IQCH: variants seen among roughly 807,000 people sequenced by gnomAD.
The protein encoded by IQCH is IQ domain-containing protein H.
In IQCH, 98 loss-of-function variants were observed where a neutral mutation model predicts 117.0. That is an observed-to-expected ratio of 0.84 (90% CI 0.71 to 0.99). The LOEUF is 0.99. Among genes scored for constraint, IQCH ranks in the 50% least tolerant of loss-of-function variants. The pLI, the probability that IQCH is intolerant of heterozygous loss-of-function variation, is 0.00. For missense variants in IQCH, 1,102 were observed against 1,243.8 expected, an observed-to-expected ratio of 0.89 and a Z score of 1.72; for synonymous variants, 412 against 448.2, an observed-to-expected ratio of 0.92 and a Z score of 1.02.
chr15:67,266,722 G>C (rs912281376), intron 3 of IQCH, among the ~76,000 whole-genome samples: 1 of 152,142 alleles, frequency 6.6e-6, no homozygotes, highest in Admixed American at 6.5e-5. Context: ...TTGATGATAG[G>C]TATAAGTCCA....
At chr15:67,346,759 C>G (rs1844563916) in intron 6 of IQCH, among the ~76,000 whole-genome samples, 1 of 152,134 alleles carries the variant, frequency 6.6e-6, no homozygotes, top group African/African-American at 2.4e-5. Flanking sequence ...GCATTTACTT[C>G]AAATGCACAT....
At chr15:67,400,086 A>T in intron 13 of IQCH, 28 bp from the exon 14 acceptor site, 1 of 1,595,958 alleles carries the variant, frequency 6.3e-7, no homozygotes, top group Non-Finnish European at 8.6e-7. Context: ...GAACTGTATT[A>T]AATGCAGCTG....
rs998114182 is a variant in IQCH, at chr15:67,369,375, G to A, written c.754-2736G>A. 1.3e-5 allele frequency among the ~76,000 whole-genome samples: 2 copies of A among 151,936 alleles called. No individual in the cohort carries two copies. The highest frequency in any genetic ancestry group is 4.8e-5 in the African/African-American group (2 of 41,340). Reference sequence around the variant, plus strand: ...AAGAAGCACCAGGTGAGAATACAATGTTTTGACAGAAATCCTTCTTGGCTA... The same window carrying A: ...AAGAAGCACCAGGTGAGAATACAATATTTTGACAGAAATCCTTCTTGGCTA... On this transcript the variant is annotated intron_variant, in intron 8 of 20. Coordinates refer to ENST00000335894, the MANE Select transcript of IQCH (RefSeq NM_001031715.3). The surrounding 1 kb of genome is among the most constrained non-coding windows in gnomAD (Gnocchi z 5.2).
rs1477891697 is a variant in IQCH at position 67,421,271 on chromosome 15, C to T, written c.2219-20C>T. 1 of 1,606,578 alleles carries T rather than the reference C, an allele frequency of 6.2e-7. No individual in the cohort carries two copies. Among genetic ancestry groups the T allele is most frequent in the South Asian group, 1.1e-5 (1 of 90,074 alleles). On this transcript the variant is annotated intron_variant, in intron 15 of 20. Transcript: ENST00000335894. The stretch of plus-strand genomic sequence containing the variant: ...CAAAATGCATGTGTCCTTTCACCTA[C>T]TCCATGTTTTTCCCACCAGGGGGTG...
rs1210739583 is a variant in IQCH, at chr15:67,261,295, A to C, written c.75A>C (p.Leu25Phe). ...AGATCCATGAAGACCTTTATCAGTT[A>C]AAGGAGAAATTAACAAAATTCTCAC... ...LIQIHEDLYQ[L>F]KEKLTKFSPE... Residue 25 changes from leucine (L) to phenylalanine (F), a missense_variant, in exon 2 of 21, where the codon TTA (leucine) becomes TTC (phenylalanine). Leu to Phe is a conservative substitution (Grantham distance 22). Around this residue, in one of 2 missense-constraint regions of IQCH, gnomAD observed 452 missense variants for 449.6 expected, o/e 1.01. Transcript: ENST00000335894. 1 of 1,560,358 alleles carries C rather than the reference A, an allele frequency of 6.4e-7. No homozygotes were observed. Among genetic ancestry groups the C allele is most frequent in the Non-Finnish European group, 8.7e-7 (1 of 1,151,578 alleles).
chr15:67,395,576 GA>G lies in IQCH; in HGVS notation c.1905+14del, dbSNP rs1416880482. On this transcript the variant is annotated intron_variant, in intron 13 of 20. Coordinates refer to ENST00000335894, the MANE Select transcript of IQCH (RefSeq NM_001031715.3). This position sits in a 1 kb window ranked among gnomAD's most constrained non-coding sequence, Gnocchi z 4.0. ...TAGTCAGCAACAGGTATGTGGGGTG[GA>G]CAAGTGAAGCTCTGTTCAAATATTT... 3 of 1,611,118 alleles carry G rather than the reference GA, an allele frequency of 1.9e-6. No individual in the cohort carries two copies. In the African/African-American group the frequency reaches 4.0e-5, roughly 22 times the overall value.
intron 16 of IQCH, among the ~76,000 whole-genome samples, chr15:67,442,756 A>G (rs2082301768): frequency 6.6e-6 from 1 of 152,046 alleles, no homozygotes; most frequent in East Asian, 1.9e-4. Flanking sequence ...ACAATTCACA[A>G]TTGCAAAATC....
At chr15:67,266,697 AGG>A in intron 3 of IQCH, among the ~76,000 whole-genome samples, 1 of 152,306 alleles carries the variant, frequency 6.6e-6, no homozygotes, top group Non-Finnish European at 1.5e-5. Flanking sequence ...CTCTATACTT[AGG>A]TGAGGTTCAG....
rs544341690 is a variant in IQCH at position 67,472,192 on chromosome 15, G to A, written c.2677-3504G>A. Among the ~76,000 whole-genome samples the A allele has an allele frequency of 5.3e-5, 8 of 152,288 alleles. No individual in the cohort carries two copies. The highest frequency in any genetic ancestry group is 1.7e-4 in the African/African-American group (7 of 41,570). ...AAGACTAGAACAGTCACTAACTGGC[G>A]AGGAGGGGAGGACGTCCCCTAGCAG... On this transcript the variant is annotated intron_variant, in intron 17 of 20. Transcript: ENST00000335894. The surrounding 1 kb of genome is among the most constrained non-coding windows in gnomAD (Gnocchi z 4.3).
In IQCH at chr15:67,342,764, A is replaced by G. The variant is rs577333740; in HGVS notation, c.509-1299A>G. ...TCTGGATCAGTAATTCTTAAGTGTTAAGAGTACAAAAGATTAACCTGGAGT... is the reference window on the plus strand; with the variant it reads ...TCTGGATCAGTAATTCTTAAGTGTTGAGAGTACAAAAGATTAACCTGGAGT... On this transcript the variant is annotated intron_variant, in intron 5 of 20. Coordinates refer to ENST00000335894, the MANE Select transcript of IQCH (RefSeq NM_001031715.3). This position sits in a 1 kb window ranked among gnomAD's most constrained non-coding sequence, Gnocchi z 4.7. 2.0e-5 allele frequency among the ~76,000 whole-genome samples: 3 copies of G among 152,190 alleles called. No homozygotes were observed. Among genetic ancestry groups the G allele is most frequent in the Non-Finnish European group, 4.4e-5 (3 of 68,034 alleles).
chr15:67,439,173 A>G (rs1424244074), intron 16 of IQCH, among the ~76,000 whole-genome samples: 1 of 152,232 alleles, frequency 6.6e-6, no homozygotes, highest in Admixed American at 6.5e-5. Flanking sequence ...ACGAGCCTCA[A>G]TCAGTTTAAG....
Position 67,359,747 on chromosome 15 carries a change from A to G in IQCH, c.715-100A>G, listed in dbSNP as rs1970053377. ...GAGAGAACAGGCTGGCCCAGCGGGT[A>G]AAATGGGGAAGGGGGTGAGGCTCTG... On this transcript the variant is annotated intron_variant, in intron 7 of 20. Transcript: ENST00000335894. This position sits in a 1 kb window ranked among gnomAD's most constrained non-coding sequence, Gnocchi z 4.5. 5.8e-6 allele frequency: 6 copies of G among 1,028,632 alleles called. No homozygotes were observed. The allele number at this position is 1,028,632 out of a possible 1,614,324, so 63.7% of individuals were successfully genotyped here.
At chr15:67,303,890 G>A (rs535532120) in intron 4 of IQCH, among the ~76,000 whole-genome samples, 84 of 152,232 alleles carry the variant, frequency 5.5e-4, no homozygotes, top group South Asian at 1.2e-3. Flanking sequence ...AAATTTACCA[G>A]GCCCAAACTG....
rs745688893 is a variant in IQCH at position 67,422,669 on chromosome 15, T to C, written c.2505+1092T>C. On this transcript the variant is annotated intron_variant, in intron 16 of 20. Coordinates refer to ENST00000335894, the MANE Select transcript of IQCH (RefSeq NM_001031715.3). The surrounding 1 kb of genome is among the most constrained non-coding windows in gnomAD (Gnocchi z 4.7). ...TCTATTATTATTTTACTGTATGCTTTTGTTTAATATTCCATTTGTGAGATT... is the reference window on the plus strand; with the variant it reads ...TCTATTATTATTTTACTGTATGCTTCTGTTTAATATTCCATTTGTGAGATT... Among the ~76,000 whole-genome samples the C allele has an allele frequency of 8.5e-5, 13 of 152,228 alleles. No individual in the cohort carries two copies. The highest frequency in any genetic ancestry group is 1.9e-4 in the Non-Finnish European group (13 of 68,038).
In IQCH at chr15:67,364,455, A is replaced by C. The variant is rs1214885384; in HGVS notation, c.753+4570A>C. Among the ~76,000 whole-genome samples the C allele has an allele frequency of 1.3e-5, 2 of 152,130 alleles. No homozygotes were observed. The highest frequency in any genetic ancestry group is 4.8e-5 in the African/African-American group (2 of 41,422). On this transcript the variant is annotated intron_variant, in intron 8 of 20. Transcript: ENST00000335894. This position sits in a 1 kb window ranked among gnomAD's most constrained non-coding sequence, Gnocchi z 4.1. ...TTCTTGTGGAACAATTTTTCTTGTA[A>C]TTACCGAGAAAAACTACAAGGACTG...
rs768716091 is a variant in IQCH at position 67,473,491 on chromosome 15, C to T, written c.2677-2205C>T. Among the ~76,000 whole-genome samples the T allele has an allele frequency of 7.2e-5, 11 of 152,248 alleles. No homozygotes were observed. Among genetic ancestry groups the T allele is most frequent in the Non-Finnish European group, 1.0e-4 (7 of 68,042 alleles). On this transcript the variant is annotated intron_variant, in intron 17 of 20. Coordinates refer to ENST00000335894, the MANE Select transcript of IQCH (RefSeq NM_001031715.3). This position sits in a 1 kb window ranked among gnomAD's most constrained non-coding sequence, Gnocchi z 4.9. Reference sequence around the variant, plus strand: ...AAGGATGGTGTGACTGTCCCCTGTGCCATGTAATAATCACCTGCTTTTGCT... The same window carrying T: ...AAGGATGGTGTGACTGTCCCCTGTGTCATGTAATAATCACCTGCTTTTGCT...
intron 3 of IQCH, among the ~76,000 whole-genome samples, chr15:67,263,754 A>G (rs1965553550): frequency 6.6e-6 from 1 of 152,214 alleles, no homozygotes; most frequent in South Asian, 2.1e-4. Context: ...GATTATACAG[A>G]TAATTTTGGT....
At chr15:67,361,204 G>C (rs1005136993) in intron 8 of IQCH, among the ~76,000 whole-genome samples, 11 of 152,154 alleles carry the variant, frequency 7.2e-5, no homozygotes, top group African/African-American at 2.4e-4. Flanking sequence ...GCTTCCACAT[G>C]GGTCAGCTTT....
At chr15:67,271,992 T>C (rs945225047) in intron 3 of IQCH, among the ~76,000 whole-genome samples, 1 of 152,142 alleles carries the variant, frequency 6.6e-6, no homozygotes, top group Non-Finnish European at 1.5e-5. Flanking sequence ...TTCTAATTCC[T>C]GGAGGTGCAT....
Sources: allele counts gnomAD v4.1 joint callset (sites outside exome capture counted in the v4.1 genomes callset), GRCh38; gene constraint gnomAD v4.1.1; regional missense constraint gnomAD v4.1.1; non-coding constraint Gnocchi (gnomAD v3.1); transcripts MANE v1.5; gene names NCBI Gene and HGNC (gene_info 2026-07-23, HGNC 2026-07-21).